CCDC125: variants seen among roughly 807,000 people sequenced by gnomAD.
CCDC125 encodes the protein coiled-coil domain-containing protein 125.
CCDC125 carries 43 observed loss-of-function variants against 57.4 expected under a neutral mutation model. That is an observed-to-expected ratio of 0.75 (90% CI 0.59 to 0.97). The LOEUF is 0.97. Among genes scored for constraint, CCDC125 ranks in the 50% least tolerant of loss-of-function variants. The pLI is 0.00. For synonymous variants in CCDC125, 187 were observed against 195.2 expected, an observed-to-expected ratio of 0.96 and a Z score of 0.35; for missense variants, 563 against 595.7, an observed-to-expected ratio of 0.95 and a Z score of 0.57.
At chr5:69,300,262 C>T in intron 7 of CCDC125, 135 bp from the exon 8 acceptor site, 1 of 662,522 alleles carries the variant, frequency 1.5e-6, no homozygotes, top group Non-Finnish European at 2.7e-6. Flanking sequence ...ATTCAGAAAA[C>T]CTATCTGATA....
chr5:69,297,796 A>G (rs928203796), intron 8 of CCDC125, among the ~76,000 whole-genome samples: 13 of 150,884 alleles, frequency 8.6e-5, no homozygotes, highest in African/African-American at 2.9e-4. Context: ...CCCTGTCTCT[A>G]CAAAAAATAA....
At chr5:69,276,231 G>A (rs992384121), downstream of CCDC125, among the ~76,000 whole-genome samples, 8 of 152,036 alleles carry the variant, frequency 5.3e-5, no homozygotes, top group African/African-American at 4.8e-5. Context: ...GTTTCGCCAC[G>A]TTGGCCAAGC....
At chr5:69,313,597 T>C (rs762426448) in intron 3 of CCDC125, 4 of 732,010 alleles carry the variant, frequency 5.5e-6, no homozygotes, top group Non-Finnish European at 1.0e-5. Context: ...CTTGCTCTCT[T>C]GGTCTCATAG....
chr5:69,292,238 A>ATT lies in CCDC125; in HGVS notation c.1047_1048dup (p.Met350LysfsTer10), dbSNP rs1754572899. ...CATCCATTTTGTTGCTTTTTTATGCATTTTATCCATTTGTGTCAATTGTAG... is the reference window on the plus strand; with the variant it reads ...CATCCATTTTGTTGCTTTTTTATGCATTTTTTATCCATTTGTGTCAATTGTAG... On this transcript the variant is annotated frameshift_variant, in exon 10 of 12. Transcript: ENST00000396496. LOFTEE classifies it high-confidence loss of function. The ATT allele has an allele frequency of 1.2e-6, 2 of 1,613,466 alleles. No homozygotes were observed. The highest frequency in any genetic ancestry group is 2.7e-5 in the African/African-American group (2 of 74,868).
intron 1 of CCDC125, among the ~76,000 whole-genome samples, chr5:69,329,338 G>A (rs892723647): frequency 1.3e-5 from 2 of 151,182 alleles, no homozygotes; most frequent in Admixed American, 6.6e-5. Context: ...TAATTTTTTT[G>A]TTCTTGTAGA....
In CCDC125 at chr5:69,282,460, G is replaced by T. The variant is rs186102617; in HGVS notation, c.*269C>A. ...GCCTGTAATCCGAGTTACTCGGGAG[G>T]CTGAGGCAGGAGAATTGCTTGAACC... On this transcript the variant is annotated 3_prime_UTR_variant, in exon 12 of 12. Coordinates refer to ENST00000396496, the MANE Select transcript of CCDC125 (RefSeq NM_176816.5). The T allele has an allele frequency of 3.9e-3, 1,173 of 297,806 alleles. 35 individuals carry two copies. The Admixed American group carries it at 0.052, about 13-fold the overall frequency. The allele number at this position is 297,806 out of a possible 1,614,324, so 18.4% of individuals were successfully genotyped here. A position where few individuals can be genotyped will look rare whatever the true frequency, so the allele number is the denominator to read the frequency against.
At chr5:69,312,718 G>A (rs1378894560) in intron 3 of CCDC125, among the ~76,000 whole-genome samples, 1 of 152,148 alleles carries the variant, frequency 6.6e-6, no homozygotes, top group Non-Finnish European at 1.5e-5. Flanking sequence ...AGATGAGGTG[G>A]ATAAGAAACA....
At chr5:69,319,158 C>T (rs921999895) in intron 2 of CCDC125, among the ~76,000 whole-genome samples, 1 of 152,018 alleles carries the variant, frequency 6.6e-6, no homozygotes, top group Non-Finnish European at 1.5e-5. Flanking sequence ...AAGCTCCTGA[C>T]CTCAAGTGAT....
Position 69,284,232 on chromosome 5 carries a change from AAAT to A in CCDC125, c.1230+1102_1230+1104del, listed in dbSNP as rs1752944280. Among the ~76,000 whole-genome samples the A allele has an allele frequency of 2.0e-5, 3 of 152,204 alleles. No homozygotes were observed. The South Asian group carries it at 6.2e-4, about 31-fold the overall frequency. On this transcript the variant is annotated intron_variant, in intron 11 of 11. Coordinates refer to ENST00000396496, the MANE Select transcript of CCDC125 (RefSeq NM_176816.5). ...TAGGTATATAATATCAACATATAAA[AAAT>A]ATATCAACGTGCATATTTATAAAAT...
At position 69,314,000 on chromosome 5, in the gene CCDC125, A is replaced by G; in HGVS notation, c.351T>C (p.Leu117=). The change falls in exon 3 of 12, where the codon CTT becomes CTC. Residue 117 remains leucine, a synonymous_variant. Coordinates refer to ENST00000396496, the MANE Select transcript of CCDC125 (RefSeq NM_176816.5). The part of the protein sequence containing the change: ...ELSNEELRQC[L]NETLEEVEML... ...GAGTACCTACCTCTAAAGTTTCATT[A>G]AGACATTGCCTTAATTCTTCATTTG... is the stretch of plus-strand genomic sequence containing the variant. The G allele has an allele frequency of 1.2e-6, 2 of 1,609,050 alleles. No individual in the cohort carries two copies. The highest frequency in any genetic ancestry group is 1.7e-6 in the Non-Finnish European group (2 of 1,175,384).
At chr5:69,283,095 G>T (rs190522149) in intron 11 of CCDC125, 61 bp from the exon 12 acceptor site, 211 of 1,310,828 alleles carry the variant, frequency 1.6e-4, no homozygotes, top group Non-Finnish European at 2.0e-4. Flanking sequence ...TATATTCAGA[G>T]AAAGGAGTAT....
chr5:69,318,109 G>A (rs1759421166), intron 2 of CCDC125, among the ~76,000 whole-genome samples: 1 of 150,142 alleles, frequency 6.7e-6, no homozygotes, highest in Non-Finnish European at 1.5e-5. Flanking sequence ...AGCCTCCTGA[G>A]TAGCTGGGAT....
intron 11 of CCDC125, among the ~76,000 whole-genome samples, chr5:69,284,967 G>A (rs1753069386): frequency 6.6e-6 from 1 of 151,932 alleles, no homozygotes; most frequent in Admixed American, 6.6e-5. Context: ...CGTGGTGGTG[G>A]GCGCCTGCAG....
At chr5:69,279,736 C>T (rs1426557701), downstream of CCDC125, among the ~76,000 whole-genome samples, 1 of 152,036 alleles carries the variant, frequency 6.6e-6, no homozygotes, top group Non-Finnish European at 1.5e-5. Context: ...GCTAAGAGTC[C>T]AGGAGATAAT....
Position 69,285,647 on chromosome 5 carries a change from G to A in CCDC125, c.1100-180C>T, listed in dbSNP as rs11948465. On this transcript the variant is annotated intron_variant, in intron 10 of 11. Transcript: ENST00000396496. ...GCAGGTGAGAGGCAGCAAGAGTGCC[G>A]CCCTGCCATGCGGCACAGCCACCCC... Among the ~76,000 whole-genome samples, 1,419 of 152,262 alleles carry A rather than the reference G, an allele frequency of 9.3e-3. 19 individuals are homozygous for A. Among genetic ancestry groups the A allele is most frequent in the African/African-American group, 0.032 (1,327 of 41,556 alleles).
At chr5:69,276,825 A>C (rs903588651), downstream of CCDC125, 22 of 822,048 alleles carry the variant, frequency 2.7e-5, no homozygotes, top group African/African-American at 3.5e-4. Context: ...AATTGTATAA[A>C]GTAGAGAGAC....
intron 2 of CCDC125, among the ~76,000 whole-genome samples, chr5:69,316,801 C>T (rs1431005491): frequency 1.3e-5 from 2 of 152,026 alleles, no homozygotes; most frequent in Non-Finnish European, 2.9e-5. Flanking sequence ...GCATCAGCTA[C>T]CAGACGTAGC....
downstream of CCDC125, among the ~76,000 whole-genome samples, chr5:69,278,949 C>CTCTG (rs576997222): frequency 1.2e-3 from 177 of 151,252 alleles, 1 homozygote; most frequent in Admixed American, 0.01. Flanking sequence ...TCACTGTAAC[C>CTCTG]TCTGCATCCT....
At chr5:69,303,543 T>G (rs965673630) in intron 7 of CCDC125, among the ~76,000 whole-genome samples, 16 of 150,774 alleles carry the variant, frequency 1.1e-4, no homozygotes, top group Non-Finnish European at 2.4e-4. Context: ...TTTTGTATTT[T>G]TGGTAGAAAT....
Sources: gnomAD v4.1 joint callset for allele counts (sites outside exome capture counted in the v4.1 genomes callset) on GRCh38, gnomAD v4.1.1 for gene constraint, MANE v1.5 for transcripts, NCBI Gene and HGNC (gene_info 2026-07-23, HGNC 2026-07-21) for gene names.